Variants in NBPF11 observed in about 807,000 individuals in gnomAD.
NBPF11 encodes NBPF member 11, also known as NBPF family member NBPF11.
NBPF11 carries 72 observed loss-of-function variants against 93.9 expected under a neutral mutation model. The ratio of observed to expected loss-of-function variants is 0.77; its 90% CI spans 0.63 to 0.93. The LOEUF is 0.93. Among genes scored for constraint, NBPF11 ranks in the 40% least tolerant of loss-of-function variants. The pLI, the probability that NBPF11 is intolerant of heterozygous loss-of-function variation, is 0.00. For synonymous variants in NBPF11, 224 were observed against 304.9 expected (o/e 0.73, Z 2.76); for missense variants, 705 against 802.2 (o/e 0.88, Z 1.46).
intron 1 of NBPF11, among the ~76,000 whole-genome samples, chr1:148,147,955 C>A (rs1392236104): frequency 6.6e-6 from 1 of 152,044 alleles, no homozygotes. Context: ...AGGCCCAGAG[C>A]CATGAGGGGG....
chr1:148,140,183 G>C (rs1369180286), intron 2 of NBPF11, among the ~76,000 whole-genome samples: 1 of 152,008 alleles, frequency 6.6e-6, no homozygotes, highest in Admixed American at 6.6e-5. Context: ...AAACAGCAAA[G>C]ATAGCCTTTC....
At chr1:148,109,251 T>G (rs1323067862) in intron 17 of NBPF11, 33 bp downstream of exon 17, 1 of 826,928 alleles carries the variant, frequency 1.2e-6, no homozygotes. Flanking sequence ...GGTGTCAACA[T>G]CAAATTAACT....
rs1670795155 is a variant in NBPF11 at position 148,133,625 on chromosome 1, A to G, written c.-36+2047T>C. 4.6e-5 allele frequency among the ~76,000 whole-genome samples: 7 copies of G among 152,134 alleles called. No homozygotes were observed. The South Asian group carries it at 1.5e-3, about 32-fold the overall frequency. On this transcript the variant is annotated intron_variant, in intron 4 of 23. Transcript: ENST00000682118. Reference sequence around the variant, plus strand: ...GTTTTCTCTTTTGCCCTGGTAATATATAAAATGATATTTTTTAAATATAAA... The same window carrying G: ...GTTTTCTCTTTTGCCCTGGTAATATGTAAAATGATATTTTTTAAATATAAA...
intron 1 of NBPF11, chr1:148,146,905 C>T: frequency 3.1e-6 from 5 of 1,612,542 alleles, no homozygotes; most frequent in Non-Finnish European, 4.2e-6. Flanking sequence ...CGCCACCTGG[C>T]AGGCCCTGCG....
In NBPF11 at chr1:148,103,776, CA is replaced by C. The variant is rs1420944098; in HGVS notation, c.*119del. On this transcript the variant is annotated 3_prime_UTR_variant, in exon 24 of 24. Transcript: ENST00000682118. Reference sequence around the variant, plus strand: ...AGGGCAAAGCTGATGTGCTGTTCCTCAAATGAGTAAAACACACTTCTGTAGT... The same window carrying C: ...AGGGCAAAGCTGATGTGCTGTTCCTCAATGAGTAAAACACACTTCTGTAGT... 6.2e-7 allele frequency: 1 copy of C among 1,611,766 alleles called. No homozygotes were observed. Among genetic ancestry groups the C allele is most frequent in the Non-Finnish European group, 8.5e-7 (1 of 1,179,466 alleles).
rs1553272631 is a variant in NBPF11, at chr1:148,124,902, A to T, written c.275T>A (p.Leu92His). 6.2e-7 allele frequency: 1 copy of T among 1,609,262 alleles called. No homozygotes were observed. The highest frequency in any genetic ancestry group is 8.5e-7 in the Non-Finnish European group (1 of 1,179,930). Reference protein sequence around the residue: ...LAEQLKQAEELRQYKVLVHSQ... With the variant: ...LAEQLKQAEEHRQYKVLVHSQ... ...TCCCCCTACGGGGTCCCCTCACCTGAGCTCCTCAGCTTGCTTGAGCTGCTC... is the reference window on the plus strand; with the variant it reads ...TCCCCCTACGGGGTCCCCTCACCTGTGCTCCTCAGCTTGCTTGAGCTGCTC... Residue 92 changes from leucine to histidine, a missense_variant, in exon 6 of 24, where the codon CTC becomes CAC. Leu to His is a moderately conservative substitution (Grantham distance 99). Around this residue, in one of 12 missense-constraint regions of NBPF11, gnomAD observed 128 missense variants for 112.8 expected, o/e 1.14. Coordinates refer to ENST00000682118, the MANE Select transcript of NBPF11 (RefSeq NM_001385469.3).
rs1296431540 is a variant in NBPF11 at position 148,122,920 on chromosome 1, T to C, written c.494-119A>G. On this transcript the variant is annotated intron_variant, in intron 7 of 23. Coordinates refer to ENST00000682118, the MANE Select transcript of NBPF11 (RefSeq NM_001385469.3). The stretch of plus-strand genomic sequence containing the variant: ...TGGTTCAGCATTGTACTGAAAACTC[T>C]CATGTTTTATCCTTCACAAAATGCC... 6.4e-6 allele frequency: 10 copies of C among 1,569,882 alleles called. No individual in the cohort carries two copies. The Admixed American group carries it at 1.5e-4, about 24-fold the overall frequency.
intron 12 of NBPF11, among the ~76,000 whole-genome samples, chr1:148,117,185 G>C (rs1666773872): frequency 6.6e-6 from 1 of 151,584 alleles, no homozygotes; most frequent in African/African-American, 2.4e-5. Flanking sequence ...AACTCAGGAA[G>C]GACAAGTCAT....
At chr1:148,142,750 AC>A (rs1305185945) in intron 2 of NBPF11, among the ~76,000 whole-genome samples, 1 of 151,550 alleles carries the variant, frequency 6.6e-6, no homozygotes, top group Admixed American at 6.6e-5. Context: ...CCTAATAGTC[AC>A]CCCATGAATG....
At chr1:148,148,386 T>C (rs1181829264) in intron 1 of NBPF11, among the ~76,000 whole-genome samples, 1 of 152,088 alleles carries the variant, frequency 6.6e-6, no homozygotes, top group Non-Finnish European at 1.5e-5. Context: ...GGGTGGCAGG[T>C]GGGTCCCGCG....
intron 11 of NBPF11, among the ~76,000 whole-genome samples, chr1:148,118,180 G>A (rs1484183291): frequency 2.0e-5 from 3 of 146,678 alleles, no homozygotes; most frequent in Non-Finnish European, 4.5e-5. Context: ...GATGCAGATA[G>A]GGCGAATTGA....
chr1:148,140,289 G>A (rs1418450889), intron 2 of NBPF11, among the ~76,000 whole-genome samples: 37 of 151,960 alleles, frequency 2.4e-4, no homozygotes, highest in Admixed American at 1.0e-3. Flanking sequence ...AATCTTACAC[G>A]TAAATGTAAG....
In NBPF11 at chr1:148,143,690, TGA is replaced by T. The variant is rs1276568627; in HGVS notation, c.-548-6_-548-5del. 2.5e-5 allele frequency: 4 copies of T among 161,696 alleles called. No homozygotes were observed. Among genetic ancestry groups the T allele is most frequent in the African/African-American group, 1.0e-4 (4 of 40,034 alleles). The allele number at this position is 161,696 out of a possible 1,614,324, so 10.0% of individuals were successfully genotyped here. A position where few individuals can be genotyped will look rare whatever the true frequency, so the allele number is the denominator to read the frequency against. ...ACAGGATTTGCCTTCAGAATGCCTATGAGATAAAAGAGAGAAATCAAGGTTAA... is the reference window on the plus strand; with the variant it reads ...ACAGGATTTGCCTTCAGAATGCCTATGATAAAAGAGAGAAATCAAGGTTAA... On this transcript the variant is annotated splice_region_variant and splice_polypyrimidine_tract_variant and intron_variant, in intron 1 of 23. Coordinates refer to ENST00000682118, the MANE Select transcript of NBPF11 (RefSeq NM_001385469.3).
intron 1 of NBPF11, among the ~76,000 whole-genome samples, chr1:148,147,681 T>C (rs1673406954): frequency 1.3e-5 from 2 of 151,922 alleles, no homozygotes; most frequent in Admixed American, 1.3e-4. Flanking sequence ...TCAGAGGCCC[T>C]AGGGAGGTGG....
Position 148,117,012 on chromosome 1 carries a change from A to G in NBPF11, c.1307-477T>C, listed in dbSNP as rs1666724986. Among the ~76,000 whole-genome samples the G allele has an allele frequency of 3.3e-5, 5 of 152,166 alleles. No individual in the cohort carries two copies. In the South Asian group the frequency reaches 8.3e-4, roughly 25 times the overall value. On this transcript the variant is annotated intron_variant, in intron 12 of 23. Coordinates refer to ENST00000682118, the MANE Select transcript of NBPF11 (RefSeq NM_001385469.3). ...ACATTCTATCCATGGGGAGTGCTCC[A>G]GTCTGAAGCACTTCCTACCACAAAA... is the stretch of plus-strand genomic sequence containing the variant.
intron 9 of NBPF11, among the ~76,000 whole-genome samples, 153 bp downstream of exon 9, chr1:148,121,902 A>G (rs1289584299): frequency 1.3e-5 from 2 of 151,874 alleles, no homozygotes; most frequent in Non-Finnish European, 2.9e-5. Flanking sequence ...TGGGCCTTCC[A>G]AAGTGCTGTG....
Position 148,124,472 on chromosome 1 carries a change from A to G in NBPF11, c.279-405T>C, listed in dbSNP as rs1420745676. ...GGCCAGGTGCAGATGGGGCGAATTG[A>G]AAAGACGAAAGAAGAAAAGAATGAC... On this transcript the variant is annotated intron_variant, in intron 6 of 23. Coordinates refer to ENST00000682118, the MANE Select transcript of NBPF11 (RefSeq NM_001385469.3). Among the ~76,000 whole-genome samples, 957 of 149,860 alleles carry G rather than the reference A, an allele frequency of 6.4e-3. 3 individuals carry two copies. Among genetic ancestry groups the G allele is most frequent in the Non-Finnish European group, 8.6e-3 (585 of 67,758 alleles).
chr1:148,114,298 A>C (rs1665967486), intron 15 of NBPF11, 139 bp downstream of exon 15: 1 of 731,596 alleles, frequency 1.4e-6, no homozygotes, highest in East Asian at 2.5e-5. Flanking sequence ...CACAAATGAC[A>C]TACAACATTG....
At chr1:148,104,140 C>A (rs1260246176) in intron 23 of NBPF11, among the ~76,000 whole-genome samples, 1 of 129,572 alleles carries the variant, frequency 7.7e-6, no homozygotes, top group Non-Finnish European at 1.7e-5. Flanking sequence ...GAGACAGAGA[C>A]AGAGACAGAG....
Sources: allele counts gnomAD v4.1 joint callset (sites outside exome capture counted in the v4.1 genomes callset), GRCh38; gene constraint gnomAD v4.1.1; regional missense constraint gnomAD v4.1.1; transcripts MANE v1.5; gene names NCBI Gene and HGNC (gene_info 2026-07-23, HGNC 2026-07-21).